NSMF: variants seen among roughly 807,000 people sequenced by gnomAD.
NSMF encodes the protein NMDA receptor synaptonuclear signaling and neuronal migration factor, also known as nasal embryonic LHRH factor.
In NSMF, 31 loss-of-function variants were observed where a neutral mutation model predicts 71.0. The observed-to-expected ratio is 0.44, with a 90% CI of 0.33 to 0.59. The LOEUF is 0.59. Among genes scored for constraint, NSMF ranks in the 20% least tolerant of loss-of-function variants. The pLI is 0.04. For missense variants in NSMF, 673 were observed against 740.5 expected (o/e 0.91, Z 1.06); for synonymous variants, 345 against 287.1 (o/e 1.20, Z -2.04).
intron 4 of NSMF, 124 bp from the exon 5 acceptor site, chr9:137,455,758 C>T: frequency 9.5e-7 from 1 of 1,053,834 alleles, no homozygotes. Flanking sequence ...ATAGGTCCCT[C>T]ACAGGTAACC....
Position 137,454,994 on chromosome 9 carries a change from G to A in NSMF, c.779+245C>T, listed in dbSNP as rs77778636. 1.6e-3 allele frequency: 1,140 copies of A among 721,082 alleles called. 17 individuals carry two copies. The African/African-American group carries it at 0.018, about 11-fold the overall frequency. 44.7% of individuals were successfully genotyped at this position (721,082 alleles called of 1,614,324 possible). A position where few individuals can be genotyped will look rare whatever the true frequency, so the allele number is the denominator to read the frequency against. On this transcript the variant is annotated intron_variant, in intron 6 of 15. Coordinates refer to ENST00000371475, the MANE Select transcript of NSMF (RefSeq NM_001130969.3). ...ATCTGTGTGATTGGAGTGGGGGAGG[G>A]GGGCCTTGCTGCTGGCCCCAGCCCA...
At chr9:137,452,477 CCCCAGG>C (rs752405112) in intron 11 of NSMF, 42 bp from the exon 12 acceptor site, 2 of 1,612,064 alleles carry the variant, frequency 1.2e-6, no homozygotes, top group Non-Finnish European at 1.7e-6. Context: ...CCCACCCCAG[CCCCAGG>C]GGCACCCCCA....
intron 6 of NSMF, chr9:137,455,035 C>T (rs1194427410): frequency 9.5e-6 from 7 of 734,174 alleles, no homozygotes; most frequent in Non-Finnish European, 1.5e-5. Context: ...AGACACGTGC[C>T]CTCGGAGTGC....
chr9:137,453,405 C>T lies in NSMF; in HGVS notation c.923-225G>A. 3.1e-6 allele frequency: 2 copies of T among 639,042 alleles called. No homozygotes were observed. The highest frequency in any genetic ancestry group is 3.8e-5 in the South Asian group (2 of 52,116). 39.6% of individuals were successfully genotyped at this position (639,042 alleles called of 1,614,324 possible). On this transcript the variant is annotated intron_variant, in intron 8 of 15. Transcript: ENST00000371475. The surrounding 1 kb of genome is among the most constrained non-coding windows in gnomAD (Gnocchi z 4.5). ...ACCCTGGTGCGAGGCCGGTGGAAGG[C>T]GCGTGCAGGCATCAGCTCCAGCCAA...
intron 5 of NSMF, 55 bp from the exon 6 acceptor site, chr9:137,455,362 G>A (rs1461408965): frequency 1.9e-6 from 3 of 1,585,676 alleles, no homozygotes; most frequent in South Asian, 1.1e-5. Flanking sequence ...GAGGGACACA[G>A]ACGTCGGGAC....
chr9:137,449,270 G>A lies in NSMF; in HGVS notation c.*124C>T. 1.3e-5 allele frequency: 10 copies of A among 788,766 alleles called. No homozygotes were observed. The highest frequency in any genetic ancestry group is 2.2e-5 in the Non-Finnish European group (10 of 465,082). The allele number at this position is 788,766 out of a possible 1,614,324, so 48.9% of individuals were successfully genotyped here. A position where few individuals can be genotyped will look rare whatever the true frequency, so the allele number is the denominator to read the frequency against. On this transcript the variant is annotated 3_prime_UTR_variant, in exon 16 of 16. Coordinates refer to ENST00000371475, the MANE Select transcript of NSMF (RefSeq NM_001130969.3). ...AGGGGGAACCTGAGCAACGTCTGAG[G>A]TGCCCTGAAGTGGCTCCAGGCGAGA...
In NSMF at chr9:137,447,677, T is replaced by G. The variant is rs1588486768; in HGVS notation, c.*1717A>C. The G allele has an allele frequency of 2.7e-5, 4 of 150,768 alleles. No homozygotes were observed. Among genetic ancestry groups the G allele is most frequent in the Admixed American group, 2.0e-4 (3 of 15,088 alleles). The allele number at this position is 150,768 out of a possible 1,614,324, so 9.3% of individuals were successfully genotyped here. On this transcript the variant is annotated 3_prime_UTR_variant, in exon 16 of 16. Coordinates refer to ENST00000371475, the MANE Select transcript of NSMF (RefSeq NM_001130969.3). Reference sequence around the variant, plus strand: ...AAGAGCTGGAGGTGGCTGACGGCTGTGTGACCACCCCCAGCACACTGGGCC... The same window carrying G: ...AAGAGCTGGAGGTGGCTGACGGCTGGGTGACCACCCCCAGCACACTGGGCC...
At chr9:137,458,253 G>T (rs1361820270) in intron 2 of NSMF, among the ~76,000 whole-genome samples, 1 of 152,202 alleles carries the variant, frequency 6.6e-6, no homozygotes, top group Non-Finnish European at 1.5e-5. Context: ...GGGGGAGCCA[G>T]GAGGCCTGTT....
chr9:137,455,199 CAG>C, intron 6 of NSMF, 38 bp downstream of exon 6: 2 of 1,605,786 alleles, frequency 1.2e-6, no homozygotes, highest in Non-Finnish European at 1.7e-6. Context: ...CAGCACAGAC[CAG>C]AGATGGACCC....
At chr9:137,454,364 C>A (rs900282440) in intron 7 of NSMF, 27 bp downstream of exon 7, 2 of 1,548,018 alleles carry the variant, frequency 1.3e-6, no homozygotes, top group African/African-American at 2.7e-5. Context: ...AACGCCGCCC[C>A]CCCACCCCCG....
At chr9:137,454,578 C>A (rs1588504547) in intron 6 of NSMF, 135 bp from the exon 7 acceptor site, 1 of 1,546,996 alleles carries the variant, frequency 6.5e-7, no homozygotes, top group East Asian at 2.4e-5. Flanking sequence ...TGGCTCCTGG[C>A]ACCACCTCCC....
In NSMF at chr9:137,459,282, CG is replaced by C; in HGVS notation, c.-181del. Reference sequence around the variant, plus strand: ...GGGTCGGGCCCGGTCCCCGCATGGCCGCACCCGGCGCTCCGCGCGTGCCGCC... The same window carrying C: ...GGGTCGGGCCCGGTCCCCGCATGGCCCACCCGGCGCTCCGCGCGTGCCGCC... On this transcript the variant is annotated 5_prime_UTR_variant, in exon 1 of 16. Coordinates refer to ENST00000371475, the MANE Select transcript of NSMF (RefSeq NM_001130969.3). The C allele has an allele frequency of 8.6e-6, 2 of 232,740 alleles. No individual in the cohort carries two copies. The highest frequency in any genetic ancestry group is 1.4e-5 in the Non-Finnish European group (2 of 139,138). The allele number at this position is 232,740 out of a possible 1,614,324, so 14.4% of individuals were successfully genotyped here.
intron 4 of NSMF, among the ~76,000 whole-genome samples, chr9:137,456,206 GT>G (rs1436085923): frequency 7.7e-4 from 109 of 142,400 alleles, no homozygotes; most frequent in African/African-American, 2.6e-3. Context: ...CTGTGTGTGT[GT>G]GGGGGGGGGG....
chr9:137,459,149 C>CCCG lies in NSMF; in HGVS notation c.-50_-48dup. 8.7e-7 allele frequency: 1 copy of CCCG among 1,150,472 alleles called. No individual in the cohort carries two copies. Among genetic ancestry groups the CCCG allele is most frequent in the East Asian group, 4.1e-5 (1 of 24,560 alleles). 71.3% of individuals were successfully genotyped at this position (1,150,472 alleles called of 1,614,324 possible). ...CCCGGGCCTCAGAGCGCGCCCCGCG[C>CCCG]CCGCCGCCTCCGCCGGGGTAGCCGC... On this transcript the variant is annotated 5_prime_UTR_variant, in exon 1 of 16. Transcript: ENST00000371475.
In NSMF at chr9:137,449,735, G is replaced by A. The variant is rs539041001; in HGVS notation, c.1420-61C>T. The stretch of plus-strand genomic sequence containing the variant: ...GAGATGGGGAAGGAGGAGCGGGGAG[G>A]AGATGGGGAGCAGGGCCCACCCTCT... On this transcript the variant is annotated intron_variant, in intron 14 of 15. Transcript: ENST00000371475. 226 of 1,485,990 alleles carry A rather than the reference G, an allele frequency of 1.5e-4. 3 individuals are homozygous for A. In the South Asian group the frequency reaches 2.5e-3, roughly 17 times the overall value. 92.1% of individuals were successfully genotyped at this position (1,485,990 alleles called of 1,614,324 possible).
rs964022967 is a variant in NSMF, at chr9:137,448,956, A to C, written c.*438T>G. The C allele has an allele frequency of 6.5e-6, 2 of 308,766 alleles. No homozygotes were observed. The highest frequency in any genetic ancestry group is 1.3e-5 in the Non-Finnish European group (2 of 157,652). 19.1% of individuals were successfully genotyped at this position (308,766 alleles called of 1,614,324 possible). On this transcript the variant is annotated 3_prime_UTR_variant, in exon 16 of 16. Coordinates refer to ENST00000371475, the MANE Select transcript of NSMF (RefSeq NM_001130969.3). The surrounding 1 kb of genome is among the most constrained non-coding windows in gnomAD (Gnocchi z 5.3). The stretch of plus-strand genomic sequence containing the variant: ...GGGGTGGGCAGGGAGGGTCCTGAAC[A>C]CATGTGGGCTGCTGGGCTGCTGGGC...
chr9:137,455,073 A>T (rs780502272), intron 6 of NSMF, 166 bp downstream of exon 6: 1 of 796,168 alleles, frequency 1.3e-6, no homozygotes, highest in African/African-American at 1.7e-5. Flanking sequence ...GCTTTCCTGC[A>T]GCCCGGGCCA....
chr9:137,450,189 C>T lies in NSMF; in HGVS notation c.1303G>A (p.Glu435Lys). ...CCGGCTTCTCACTGAATCATGTCCT[C>T]TTCCTTCTCCACTTTGGCAAAGGTG... The part of the protein sequence containing the change: ...VATFAKVEKE[E>K]DMIHFWKRLS... Residue 435 changes from glutamate to lysine, a missense_variant, in exon 13 of 16, where the codon GAG (glutamate) becomes AAG (lysine). Around this residue, in one of 2 missense-constraint regions of NSMF, gnomAD observed 202 missense variants for 280.8 expected, o/e 0.72. Coordinates refer to ENST00000371475, the MANE Select transcript of NSMF (RefSeq NM_001130969.3). The T allele has an allele frequency of 1.2e-6, 2 of 1,613,434 alleles. No homozygotes were observed. The highest frequency in any genetic ancestry group is 1.7e-6 in the Non-Finnish European group (2 of 1,179,872).
intron 3 of NSMF, 123 bp from the exon 4 acceptor site, chr9:137,456,609 T>TGGGG: frequency 2.3e-6 from 1 of 434,776 alleles, no homozygotes. Flanking sequence ...CCAGGGCGGG[T>TGGGG]GGGGGGAGGG....
Sources: allele counts gnomAD v4.1 joint callset (sites outside exome capture counted in the v4.1 genomes callset), GRCh38; gene constraint gnomAD v4.1.1; regional missense constraint gnomAD v4.1.1; non-coding constraint Gnocchi (gnomAD v3.1); transcripts MANE v1.5; gene names NCBI Gene and HGNC (gene_info 2026-07-23, HGNC 2026-07-21).